Variants in CLEC16A observed in about 807,000 individuals in gnomAD.
The protein encoded by CLEC16A is protein CLEC16A.
A neutral mutation model predicts 109.5 loss-of-function variants in CLEC16A; 51 were observed. The ratio of observed to expected loss-of-function variants is 0.47; its 90% CI spans 0.37 to 0.59. The LOEUF is 0.59. Among genes scored for constraint, CLEC16A ranks in the 20% least tolerant of loss-of-function variants. The probability of loss-of-function intolerance (pLI) is 0.00; values close to 1 mark genes in which losing one functional copy is unlikely to be tolerated. For synonymous variants in CLEC16A, 673 were observed against 564.2 expected (o/e 1.19, Z -2.73); for missense variants, 1,339 against 1,394.0 (o/e 0.96, Z 0.63).
At chr16:11,024,739 A>T (rs1597097444) in intron 12 of CLEC16A, 82 bp from the exon 13 acceptor site, 1 of 1,062,290 alleles carries the variant, frequency 9.4e-7, no homozygotes, top group Non-Finnish European at 1.4e-6. Context: ...AAAGGCAGCT[A>T]GCACCCCATG....
chr16:11,129,950 G>C (rs981172294), intron 22 of CLEC16A, among the ~76,000 whole-genome samples: 15 of 152,078 alleles, frequency 9.9e-5, no homozygotes, highest in African/African-American at 3.6e-4. Flanking sequence ...TTTTAGTAGA[G>C]ATGGGGTTTC....
chr16:11,060,604 A>G (rs2048428565), intron 18 of CLEC16A, among the ~76,000 whole-genome samples: 1 of 152,176 alleles, frequency 6.6e-6, no homozygotes, highest in Non-Finnish European at 1.5e-5. Flanking sequence ...AGGGATTATT[A>G]TGAAGGTCAC....
At chr16:11,142,198 A>C (rs759741544) in intron 22 of CLEC16A, among the ~76,000 whole-genome samples, 12 of 152,158 alleles carry the variant, frequency 7.9e-5, no homozygotes, top group Non-Finnish European at 1.6e-4. Context: ...GTGTTGCTGA[A>C]ACCCACTGCT....
At chr16:11,143,325 C>T (rs1018767339) in intron 22 of CLEC16A, among the ~76,000 whole-genome samples, 1 of 152,106 alleles carries the variant, frequency 6.6e-6, no homozygotes, top group Non-Finnish European at 1.5e-5. Context: ...TGCCAGTCCT[C>T]GTTTGACCTC....
intron 22 of CLEC16A, among the ~76,000 whole-genome samples, chr16:11,149,468 A>G (rs946224239): frequency 6.6e-6 from 1 of 152,196 alleles, no homozygotes; most frequent in Admixed American, 6.5e-5. Context: ...CTCATTTAAA[A>G]AAAAAAATAC....
chr16:10,957,706 T>G, intron 1 of CLEC16A, 76 bp from the exon 2 acceptor site: 1 of 1,482,646 alleles, frequency 6.7e-7, no homozygotes, highest in Non-Finnish European at 9.4e-7. Context: ...GTCTCCAAAA[T>G]ATTGCTAATG....
At chr16:11,019,978 T>A (rs1180016873) in intron 11 of CLEC16A, among the ~76,000 whole-genome samples, 1 of 152,122 alleles carries the variant, frequency 6.6e-6, no homozygotes, top group African/African-American at 2.4e-5. Context: ...CAGGAACACG[T>A]TTCTTGGTGT....
chr16:10,993,949 A>C (rs2044178376), intron 10 of CLEC16A, among the ~76,000 whole-genome samples: 1 of 152,166 alleles, frequency 6.6e-6, no homozygotes, highest in Non-Finnish European at 1.5e-5. Flanking sequence ...CCCCCTACAG[A>C]CTTAGTGACA....
intron 22 of CLEC16A, among the ~76,000 whole-genome samples, chr16:11,165,630 A>C (rs1190591024): frequency 3.9e-5 from 6 of 152,180 alleles, no homozygotes; most frequent in African/African-American, 1.4e-4. Flanking sequence ...TGGCTGGGAA[A>C]GACTCAAGAG....
intron 22 of CLEC16A, among the ~76,000 whole-genome samples, chr16:11,163,555 C>G (rs2054799693): frequency 1.3e-5 from 2 of 152,170 alleles, no homozygotes; most frequent in African/African-American, 4.8e-5. Flanking sequence ...TGATCCCAAC[C>G]CATTCCCAAA....
At chr16:11,086,244 T>TA (rs2050001771) in intron 19 of CLEC16A, among the ~76,000 whole-genome samples, 1 of 152,126 alleles carries the variant, frequency 6.6e-6, no homozygotes, top group African/African-American at 2.4e-5. Flanking sequence ...GTGGAGGCCA[T>TA]GGGGCTGGTG....
intron 19 of CLEC16A, among the ~76,000 whole-genome samples, chr16:11,088,818 G>A (rs188595051): frequency 3.4e-4 from 52 of 152,314 alleles, no homozygotes; most frequent in African/African-American, 1.2e-3. Context: ...GTCGGGTGGG[G>A]GTCCTGCCGT....
chr16:11,111,998 G>T (rs1248587154), intron 19 of CLEC16A, among the ~76,000 whole-genome samples: 1 of 152,230 alleles, frequency 6.6e-6, no homozygotes, highest in Non-Finnish European at 1.5e-5. Flanking sequence ...TAAACACTCC[G>T]AATGTCTGCC....
intron 1 of CLEC16A, among the ~76,000 whole-genome samples, chr16:10,955,670 C>T (rs946059287): frequency 6.6e-6 from 1 of 152,168 alleles, no homozygotes; most frequent in African/African-American, 2.4e-5. Flanking sequence ...AGAGCAGACC[C>T]ACCCACCTAA....
intron 19 of CLEC16A, among the ~76,000 whole-genome samples, chr16:11,083,270 C>T (rs1238131857): frequency 6.6e-6 from 1 of 152,206 alleles, no homozygotes; most frequent in Non-Finnish European, 1.5e-5. Context: ...TCAAGCAATC[C>T]TCCCACCTCA....
chr16:11,086,494 A>G (rs78567831), intron 19 of CLEC16A, among the ~76,000 whole-genome samples: 1 of 152,340 alleles, frequency 6.6e-6, no homozygotes, highest in East Asian at 1.9e-4. Flanking sequence ...AAGGACAGCC[A>G]AAGTGGAATT....
chr16:11,038,578 C>T (rs2047151930), intron 13 of CLEC16A, among the ~76,000 whole-genome samples: 1 of 152,160 alleles, frequency 6.6e-6, no homozygotes, highest in Non-Finnish European at 1.5e-5. Flanking sequence ...CTCAAAGTCA[C>T]ACACTTGCCT....
rs1161828463 is a variant in CLEC16A at position 10,979,367 on chromosome 16, T to C, written c.942T>C (p.Leu314=). The change falls in exon 9 of 24, where the codon CTT becomes CTC. Residue 314 remains leucine (L), a synonymous_variant. Transcript: ENST00000409790. ...ERPKISLPVS[L]YLLSQVFLII... ...CGAAAATTAGCCTGCCGGTGTCTCT[T>C]TATCTTCTGTCACAGGTATGCTTGA... 2 of 1,612,984 alleles carry C rather than the reference T, an allele frequency of 1.2e-6. No individual in the cohort carries two copies. The highest frequency in any genetic ancestry group is 2.7e-5 in the African/African-American group (2 of 74,868).
intron 11 of CLEC16A, among the ~76,000 whole-genome samples, chr16:11,014,414 C>T (rs988821735): frequency 7.9e-5 from 12 of 152,122 alleles, no homozygotes; most frequent in African/African-American, 2.9e-4. Context: ...TATCCTTGTG[C>T]ATGTGCAGTT....
Sources: gnomAD v4.1 joint callset for allele counts (sites outside exome capture counted in the v4.1 genomes callset) on GRCh38, gnomAD v4.1.1 for gene constraint, MANE v1.5 for transcripts, NCBI Gene and HGNC (gene_info 2026-07-23, HGNC 2026-07-21) for gene names.